Variants in GRAMD2B observed in about 807,000 individuals in gnomAD.
GRAMD2B encodes the protein GRAM domain-containing protein 2B.
Under a neutral mutation model 59.2 loss-of-function variants are expected in GRAMD2B, and 41 were observed. That is an observed-to-expected ratio of 0.69 (90% CI 0.54 to 0.90). GRAMD2B has a LOEUF of 0.90. Among genes scored for constraint, GRAMD2B ranks in the 40% least tolerant of loss-of-function variants. The probability of loss-of-function intolerance (pLI) is 0.00; values close to 1 mark genes in which losing one functional copy is unlikely to be tolerated. For missense variants in GRAMD2B, 424 were observed against 500.5 expected (o/e 0.85, Z 1.46); for synonymous variants, 161 against 182.7 (o/e 0.88, Z 0.96).
At chr5:126,389,491 A>G (rs1009828611) in intron 1 of GRAMD2B, among the ~76,000 whole-genome samples, 2 of 152,096 alleles carry the variant, frequency 1.3e-5, no homozygotes, top group African/African-American at 4.8e-5. Flanking sequence ...CTCCTAAGCT[A>G]TTGTTTTATA....
At chr5:126,466,936 G>A (rs985322305) in intron 2 of GRAMD2B, among the ~76,000 whole-genome samples, 3 of 152,168 alleles carry the variant, frequency 2.0e-5, no homozygotes, top group Non-Finnish European at 4.4e-5. Context: ...TCCTGCAGTT[G>A]GAAAGGGCCC....
intron 1 of GRAMD2B, among the ~76,000 whole-genome samples, chr5:126,464,028 C>CAA (rs796785312): frequency 8.4e-5 from 10 of 119,128 alleles, no homozygotes; most frequent in East Asian, 4.8e-4. Context: ...AACTCCATCT[C>CAA]AAAAAAAAAA....
chr5:126,404,343 T>C (rs1758086130), intron 1 of GRAMD2B, among the ~76,000 whole-genome samples: 1 of 151,904 alleles, frequency 6.6e-6, no homozygotes, highest in Non-Finnish European at 1.5e-5. Context: ...TGGGAAGCTG[T>C]GTGTAAAAAG....
upstream of GRAMD2B, among the ~76,000 whole-genome samples, chr5:126,368,416 A>G (rs1754568583): frequency 6.6e-6 from 1 of 152,242 alleles, no homozygotes; most frequent in Non-Finnish European, 1.5e-5. Flanking sequence ...ATGATCATGT[A>G]CTATCAAAAC....
At chr5:126,364,473 G>A (rs1318686314) in intron 1 of GRAMD2B, among the ~76,000 whole-genome samples, 2 of 152,186 alleles carry the variant, frequency 1.3e-5, no homozygotes, top group East Asian at 1.9e-4. Flanking sequence ...TTGTAGGATC[G>A]CTTCCCGCTC....
At chr5:126,460,059 G>A (rs4836264) in intron 1 of GRAMD2B, among the ~76,000 whole-genome samples, 138,007 of 152,250 alleles carry the variant, frequency 0.91, 63,589 homozygotes, top group East Asian at 1. Flanking sequence ...TCATCCTTAC[G>A]ATGTAACTTT....
chr5:126,408,704 T>A (rs1758483734), intron 1 of GRAMD2B, among the ~76,000 whole-genome samples: 1 of 151,384 alleles, frequency 6.6e-6, no homozygotes, highest in Non-Finnish European at 1.5e-5. Flanking sequence ...TTTTTTTTGT[T>A]ATACTTTAAG....
rs1754172003 is a variant in GRAMD2B at position 126,360,548 on chromosome 5, CAG to C, written c.128+92_128+93del. ...AAAGGCCTTTTTGGTATCTTAAGGA[CAG>C]AGTGTCTCCACATGGAGAATGTCTT... On this transcript the variant is annotated intron_variant, in intron 1 of 13. Transcript: ENST00000513040. 5 of 1,264,790 alleles carry C rather than the reference CAG, an allele frequency of 4.0e-6. No individual in the cohort carries two copies. In the South Asian group the frequency reaches 7.6e-5, roughly 19 times the overall value. 78.3% of individuals were successfully genotyped at this position (1,264,790 alleles called of 1,614,324 possible). A position where few individuals can be genotyped will look rare whatever the true frequency, so the allele number is the denominator to read the frequency against.
In GRAMD2B at chr5:126,472,383, A is replaced by T; in HGVS notation, c.382+79A>T. ...TAGTTTTGGGGAAGAAAAAGGGCAT[A>T]GTCCATGGACTGAGTCACCAAGGGG... On this transcript the variant is annotated intron_variant, in intron 4 of 13. Coordinates refer to ENST00000285689, the MANE Select transcript of GRAMD2B (RefSeq NM_023927.4). 2.6e-6 allele frequency: 3 copies of T among 1,133,008 alleles called. No homozygotes were observed. The South Asian group carries it at 3.8e-5, about 14-fold the overall frequency. 70.2% of individuals were successfully genotyped at this position (1,133,008 alleles called of 1,614,324 possible).
At chr5:126,437,732 A>G (rs1180701570) in intron 1 of GRAMD2B, among the ~76,000 whole-genome samples, 1 of 152,256 alleles carries the variant, frequency 6.6e-6, no homozygotes, top group African/African-American at 2.4e-5. Flanking sequence ...GAGAATCCCA[A>G]AAGATAGTCA....
intron 1 of GRAMD2B, among the ~76,000 whole-genome samples, chr5:126,446,621 A>T (rs376303695): frequency 2.7e-3 from 64 of 23,642 alleles, no homozygotes; most frequent in East Asian, 5.3e-3. Flanking sequence ...TTTAAAAATT[A>T]AAAAAAAAAA....
intron 1 of GRAMD2B, among the ~76,000 whole-genome samples, chr5:126,435,794 C>G (rs551014363): frequency 6.6e-6 from 1 of 152,292 alleles, no homozygotes; most frequent in African/African-American, 2.4e-5. Flanking sequence ...TCCTTGCTTT[C>G]TTATGTGGTT....
At chr5:126,406,336 C>G (rs1042634734) in intron 1 of GRAMD2B, among the ~76,000 whole-genome samples, 1 of 150,900 alleles carries the variant, frequency 6.6e-6, no homozygotes, top group Non-Finnish European at 1.5e-5. Flanking sequence ...GCACATGTAC[C>G]CTAAAACTTA....
intron 1 of GRAMD2B, among the ~76,000 whole-genome samples, chr5:126,436,469 C>T (rs1010608949): frequency 9.2e-5 from 14 of 152,030 alleles, no homozygotes; most frequent in Admixed American, 9.2e-4. Context: ...GGCAACATAA[C>T]AAGACCCTGC....
chr5:126,489,208 A>G (rs143627169), intron 13 of GRAMD2B, among the ~76,000 whole-genome samples: 163 of 152,316 alleles, frequency 1.1e-3, no homozygotes, highest in African/African-American at 3.8e-3. Flanking sequence ...TAATGTAGGG[A>G]CATAGTAGGG....
intron 1 of GRAMD2B, among the ~76,000 whole-genome samples, chr5:126,362,778 C>T (rs1359597577): frequency 6.6e-6 from 1 of 152,126 alleles, no homozygotes; most frequent in Non-Finnish European, 1.5e-5. Context: ...GGACAATATT[C>T]TAAAGAATGA....
At chr5:126,430,712 G>C (rs1442871849) in intron 1 of GRAMD2B, among the ~76,000 whole-genome samples, 2 of 152,112 alleles carry the variant, frequency 1.3e-5, no homozygotes, top group Non-Finnish European at 2.9e-5. Context: ...AGAAAAGAAA[G>C]GGCTTTCATG....
chr5:126,482,440 C>G (rs1044549998), intron 8 of GRAMD2B, among the ~76,000 whole-genome samples: 3 of 152,216 alleles, frequency 2.0e-5, no homozygotes, highest in African/African-American at 7.2e-5. Context: ...GGTTTTAAAT[C>G]TGGGCTCCAC....
intron 1 of GRAMD2B, among the ~76,000 whole-genome samples, chr5:126,394,141 G>A (rs984543261): frequency 2.6e-5 from 4 of 152,022 alleles, no homozygotes; most frequent in African/African-American, 4.8e-5. Flanking sequence ...CGGGAGTGGT[G>A]GCGGGTGCCT....
Sources: allele counts gnomAD v4.1 joint callset (sites outside exome capture counted in the v4.1 genomes callset), GRCh38; gene constraint gnomAD v4.1.1; transcripts MANE v1.5; gene names NCBI Gene and HGNC (gene_info 2026-07-23, HGNC 2026-07-21).